Variants in HSD17B2 observed in about 807,000 individuals in gnomAD.
The protein encoded by HSD17B2 is 17-beta-hydroxysteroid dehydrogenase type 2.
Under a neutral mutation model 26.9 loss-of-function variants are expected in HSD17B2, and 32 were observed. That is an observed-to-expected ratio of 1.19 (90% CI 0.90 to 1.60). The LOEUF (loss-of-function observed/expected upper bound fraction) is 1.60, where lower values mean the gene tolerates loss of function less well. HSD17B2 is among the 40% of genes most tolerant of loss of function. HSD17B2 has a pLI of 0.00. For synonymous variants in HSD17B2, 246 were observed against 186.7 expected (o/e 1.32, Z -2.59); for missense variants, 613 against 468.6 (o/e 1.31, Z -2.85).
chr16:82,059,038 C>T (rs934051704), intron 1 of HSD17B2, among the ~76,000 whole-genome samples: 4 of 152,096 alleles, frequency 2.6e-5, no homozygotes, highest in South Asian at 2.1e-4. Flanking sequence ...CAAGAGAGTC[C>T]GTACTCTGAT....
At chr16:82,049,486 T>C (rs1014687782) in intron 1 of HSD17B2, among the ~76,000 whole-genome samples, 2 of 152,246 alleles carry the variant, frequency 1.3e-5, no homozygotes, top group Non-Finnish European at 2.9e-5. Flanking sequence ...GAGATTTAAC[T>C]GCACCTTGAA....
intron 4 of HSD17B2, chr16:82,093,672 C>G (rs959701274): frequency 6.6e-6 from 1 of 152,118 alleles, no homozygotes; most frequent in East Asian, 1.9e-4. Flanking sequence ...GTTTTTGGAT[C>G]TTGTGTGAGA....
intron 3 of HSD17B2, among the ~76,000 whole-genome samples, chr16:82,079,002 G>A (rs546678326): frequency 1.3e-5 from 2 of 152,140 alleles, no homozygotes; most frequent in African/African-American, 4.8e-5. Flanking sequence ...ATTTAATTGT[G>A]CATTTAAAAA....
intron 1 of HSD17B2, among the ~76,000 whole-genome samples, chr16:82,041,938 C>A (rs1394390972): frequency 6.6e-6 from 1 of 151,670 alleles, no homozygotes; most frequent in African/African-American, 2.4e-5. Flanking sequence ...TTAAATTTGG[C>A]ATGTTTTAAA....
Position 82,059,403 on chromosome 16 carries a change from T to C in HSD17B2, c.266-8767T>C, listed in dbSNP as rs151195401. Reference sequence around the variant, plus strand: ...TGTGGTTGAGAATCGCTTTCCTGCATTGGTGGCTCTCAATCCTGGCTGAAG... The same window carrying C: ...TGTGGTTGAGAATCGCTTTCCTGCACTGGTGGCTCTCAATCCTGGCTGAAG... On this transcript the variant is annotated intron_variant, in intron 1 of 4. Transcript: ENST00000199936. Among the ~76,000 whole-genome samples the C allele has an allele frequency of 2.8e-3, 422 of 152,340 alleles. 1 individual carries two copies. Among genetic ancestry groups the C allele is most frequent in the African/African-American group, 9.8e-3 (408 of 41,582 alleles).
intron 1 of HSD17B2, among the ~76,000 whole-genome samples, chr16:82,054,032 G>T (rs1914189300): frequency 1.3e-5 from 2 of 151,980 alleles, no homozygotes; most frequent in Admixed American, 6.6e-5. Flanking sequence ...CCTAAGGCAG[G>T]TCTATCCATG....
At chr16:82,042,915 C>T (rs996055333) in intron 1 of HSD17B2, among the ~76,000 whole-genome samples, 1 of 152,248 alleles carries the variant, frequency 6.6e-6, no homozygotes, top group Non-Finnish European at 1.5e-5. Context: ...GCCACTGCAT[C>T]TGGTCTCTTT....
chr16:82,048,620 A>G (rs1914009217), intron 1 of HSD17B2, among the ~76,000 whole-genome samples: 1 of 152,216 alleles, frequency 6.6e-6, no homozygotes. Context: ...TTAATAGTAC[A>G]AAAAGGATTG....
At chr16:82,081,622 C>G (rs1466390223) in intron 3 of HSD17B2, among the ~76,000 whole-genome samples, 2 of 152,114 alleles carry the variant, frequency 1.3e-5, no homozygotes. Flanking sequence ...CACATAGGAG[C>G]GTTCTGAGGC....
In HSD17B2 at chr16:82,098,388, C is replaced by G. The variant is rs140937277; in HGVS notation, c.1116C>G (p.Pro372=). ...FAKRHFGQDK[P]MPRALRMPNY... ...AAAGACATTTTGGCCAAGACAAGCC[C>G]ATGCCCAGAGCTCTAAGAATGCCTA... The change falls in exon 5 of 5, where the codon CCC becomes CCG. Residue 372 remains proline (P), a synonymous_variant. Coordinates refer to ENST00000199936, the MANE Select transcript of HSD17B2 (RefSeq NM_002153.3). The G allele has an allele frequency of 1.0e-4, 162 of 1,613,948 alleles. No homozygotes were observed. The African/African-American group carries it at 1.8e-3, about 18-fold the overall frequency.
chr16:82,079,476 G>A (rs1329456999), intron 3 of HSD17B2, among the ~76,000 whole-genome samples: 1 of 152,094 alleles, frequency 6.6e-6, no homozygotes, highest in African/African-American at 2.4e-5. Context: ...CAGTCATACT[G>A]AATTAGGGCA....
intron 3 of HSD17B2, among the ~76,000 whole-genome samples, chr16:82,078,124 C>G (rs898949139): frequency 4.6e-5 from 7 of 152,208 alleles, no homozygotes; most frequent in Non-Finnish European, 1.0e-4. Flanking sequence ...TATCTGCAAA[C>G]TAGCCATTTG....
At chr16:82,079,000 G>A (rs1365001328) in intron 3 of HSD17B2, among the ~76,000 whole-genome samples, 1 of 152,166 alleles carries the variant, frequency 6.6e-6, no homozygotes, top group African/African-American at 2.4e-5. Flanking sequence ...TAATTTAATT[G>A]TGCATTTAAA....
chr16:82,040,144 T>G (rs1913730157), intron 1 of HSD17B2, among the ~76,000 whole-genome samples: 1 of 152,294 alleles, frequency 6.6e-6, no homozygotes, highest in African/African-American at 2.4e-5. Flanking sequence ...GGAGGAGAAG[T>G]AAGATCTGTT....
At chr16:82,041,457 A>C (rs770853589) in intron 1 of HSD17B2, among the ~76,000 whole-genome samples, 6 of 152,184 alleles carry the variant, frequency 3.9e-5, no homozygotes, top group Non-Finnish European at 7.3e-5. Context: ...TAGTGACTTA[A>C]TTGTTGGCTT....
intron 1 of HSD17B2, among the ~76,000 whole-genome samples, chr16:82,039,611 A>G (rs1364597804): frequency 1.3e-5 from 2 of 152,194 alleles, no homozygotes; most frequent in African/African-American, 4.8e-5. Flanking sequence ...CTTTTCCTTC[A>G]TCTTGGACAC....
chr16:82,070,226 C>T (rs1597131817), intron 2 of HSD17B2, among the ~76,000 whole-genome samples: 1 of 152,152 alleles, frequency 6.6e-6, no homozygotes, highest in Non-Finnish European at 1.5e-5. Flanking sequence ...ACCAGTCATT[C>T]AAGCCAGCAA....
At chr16:82,097,331 TA>T (rs1216080873) in intron 4 of HSD17B2, 1 of 144,612 alleles carries the variant, frequency 6.9e-6, no homozygotes, top group African/African-American at 2.6e-5. Flanking sequence ...TGTATATATA[TA>T]TACACATTAT....
At chr16:82,083,708 G>T (rs755504937) in intron 3 of HSD17B2, among the ~76,000 whole-genome samples, 1 of 152,076 alleles carries the variant, frequency 6.6e-6, no homozygotes, top group Non-Finnish European at 1.5e-5. Flanking sequence ...CTGTGACACC[G>T]AATTACCCTT....
Sources: gnomAD v4.1 joint callset for allele counts (sites outside exome capture counted in the v4.1 genomes callset) on GRCh38, gnomAD v4.1.1 for gene constraint, MANE v1.5 for transcripts, NCBI Gene and HGNC (gene_info 2026-07-23, HGNC 2026-07-21) for gene names.